Variants in ITGA2B observed in about 807,000 individuals in gnomAD.
ITGA2B encodes integrin alpha-IIb.
In ITGA2B, 91 loss-of-function variants were observed where a neutral mutation model predicts 142.0. The ratio of observed to expected loss-of-function variants is 0.64; its 90% CI spans 0.54 to 0.76. ITGA2B has a LOEUF of 0.76. ITGA2B is among the 30% of genes least tolerant of loss of function. The pLI, the probability that ITGA2B is intolerant of heterozygous loss-of-function variation, is 0.00. For synonymous variants in ITGA2B, 536 were observed against 567.2 expected (o/e 0.94, Z 0.78); for missense variants, 1,231 against 1,350.8 (o/e 0.91, Z 1.39).
At position 44,383,479 on chromosome 17, in the gene ITGA2B, C is replaced by T; in HGVS notation, c.1210+14G>A. ...AACCCCTCTGCAGCAAGTAGGGCTC[C>T]TCTCTTCCCTCACCATTGTAGCCAT... On this transcript the variant is annotated intron_variant, in intron 12 of 29. Coordinates refer to ENST00000262407, the MANE Select transcript of ITGA2B (RefSeq NM_000419.5). 1.2e-6 allele frequency: 2 copies of T among 1,600,558 alleles called. No individual in the cohort carries two copies. The highest frequency in any genetic ancestry group is 8.5e-7 in the Non-Finnish European group (1 of 1,176,942).
At chr17:44,376,284 C>G in intron 23 of ITGA2B, 24 bp downstream of exon 23, 1 of 1,614,092 alleles carries the variant, frequency 6.2e-7, no homozygotes. Flanking sequence ...ATGCCATCTC[C>G]CTTCTCCACC....
At chr17:44,381,273 T>TA (rs2048595261) in intron 12 of ITGA2B, among the ~76,000 whole-genome samples, 1 of 152,128 alleles carries the variant, frequency 6.6e-6, no homozygotes, top group African/African-American at 2.4e-5. Flanking sequence ...CAGTGACAAC[T>TA]CTCACTGTCT....
chr17:44,379,659 C>G (rs781161443), intron 18 of ITGA2B, 30 bp downstream of exon 18: 1 of 1,613,674 alleles, frequency 6.2e-7, no homozygotes, highest in Non-Finnish European at 8.5e-7. Flanking sequence ...GGGTCCTGCA[C>G]CTCCCTGGCC....
At chr17:44,375,319 C>T in intron 26 of ITGA2B, 1 of 643,938 alleles carries the variant, frequency 1.6e-6, no homozygotes, top group East Asian at 2.7e-5. Flanking sequence ...GAGGGTCATC[C>T]CCCAGCGCAC....
rs528269832 is a variant in ITGA2B, at chr17:44,387,472, G to A, written c.189-1341C>T. On this transcript the variant is annotated intron_variant, in intron 1 of 29. Transcript: ENST00000262407. ...CAGGAGGCAGAGGTTGCAGTGAGCC[G>A]AGATCACCCCATTGCACTCCAGCCT... Among the ~76,000 whole-genome samples the A allele has an allele frequency of 7.3e-5, 11 of 151,236 alleles. No individual in the cohort carries two copies. The East Asian group carries it at 1.4e-3, about 19-fold the overall frequency.
At chr17:44,383,359 G>T in intron 12 of ITGA2B, 134 bp downstream of exon 12, 1 of 809,390 alleles carries the variant, frequency 1.2e-6, no homozygotes, top group Non-Finnish European at 2.0e-6. Flanking sequence ...TCTCCACTCA[G>T]CACCCCATGT....
rs763833284 is a variant in ITGA2B, at chr17:44,375,913, AG to A, written c.2520del (p.Ser841ProfsTer69). 6.2e-7 allele frequency: 1 copy of A among 1,613,230 alleles called. No homozygotes were observed. The highest frequency in any genetic ancestry group is 1.7e-5 in the Admixed American group (1 of 59,866). ...LSIHLPGQSQ[P>X]SDLLYILDIQ... ...ATATCCAGGATGTAGAGCAGGTCGGAGGGCTGGGACTGTCCCGGAAGGTGGA... is the reference window on the plus strand; with the variant it reads ...ATATCCAGGATGTAGAGCAGGTCGGAGGCTGGGACTGTCCCGGAAGGTGGA... On this transcript the variant is annotated frameshift_variant, in exon 25 of 30. Coordinates refer to ENST00000262407, the MANE Select transcript of ITGA2B (RefSeq NM_000419.5). LOFTEE classifies it high-confidence loss of function.
chr17:44,385,434 G>C, intron 4 of ITGA2B, 99 bp from the exon 5 acceptor site: 1 of 1,527,122 alleles, frequency 6.5e-7, no homozygotes, highest in Non-Finnish European at 8.8e-7. Context: ...TTGAGTCGGC[G>C]GGGCCCTGGG....
chr17:44,381,010 A>G lies in ITGA2B; in HGVS notation c.1262T>C (p.Leu421Pro). The change falls in exon 13 of 30, where the codon CTG becomes CCG. Residue 421 changes from leucine to proline, a missense_variant. Physicochemically the swap from Leu to Pro is moderately conservative, Grantham distance 98. Transcript: ENST00000262407. Reference sequence around the variant, plus strand: ...CCCCTCACTCTGACCCAGGAACACCAGCACTTGGCCCCGGCCACTGGGACC... The same window carrying G: ...CCCCTCACTCTGACCCAGGAACACCGGCACTTGGCCCCGGCCACTGGGACC... ...YGGPSGRGQV[L>P]VFLGQSEGLR... 1 of 1,613,360 alleles carries G rather than the reference A, an allele frequency of 6.2e-7. No homozygotes were observed. The highest frequency in any genetic ancestry group is 8.5e-7 in the Non-Finnish European group (1 of 1,179,552).
intron 22 of ITGA2B, among the ~76,000 whole-genome samples, 181 bp downstream of exon 22, chr17:44,376,828 G>T (rs539553661): frequency 1.5e-3 from 227 of 152,152 alleles, no homozygotes; most frequent in Non-Finnish European, 2.0e-3. Flanking sequence ...GGCCAGGCTG[G>T]TCTCCAACTC....
Position 44,385,576 on chromosome 17 carries a change from G to T in ITGA2B, c.549C>A (p.Ser183Arg). 1 of 1,602,638 alleles carries T rather than the reference G, an allele frequency of 6.2e-7. No homozygotes were observed. The part of the protein sequence containing the change: ...EYSPCRGNTL[S>R]RIYVENDFSW... ...TAAAATCATTTTCCACGTAAATGCG[G>T]CTCAGGGTGTTCCCGCGACAGGGGG... The change falls in exon 4 of 30, where the codon AGC becomes AGA. Residue 183 changes from serine (S) to arginine (R), a missense_variant. This residue lies in a region of ITGA2B where 318 missense variants were observed against 312.2 expected (regional missense o/e 1.02). Coordinates refer to ENST00000262407, the MANE Select transcript of ITGA2B (RefSeq NM_000419.5).
intron 7 of ITGA2B, 125 bp from the exon 8 acceptor site, chr17:44,384,710 G>C (rs2048628292): frequency 7.7e-7 from 1 of 1,306,808 alleles, no homozygotes; most frequent in Non-Finnish European, 1.1e-6. Flanking sequence ...AAAAACGGAG[G>C]CCTTCGAGGG....
At chr17:44,383,388 T>TA (rs2048612721) in intron 12 of ITGA2B, 105 bp downstream of exon 12, 1 of 1,054,712 alleles carries the variant, frequency 9.5e-7, no homozygotes, top group Admixed American at 2.0e-5. Context: ...CACATACTTA[T>TA]ATGCTTAAAA....
intron 1 of ITGA2B, among the ~76,000 whole-genome samples, chr17:44,388,426 G>C (rs1270138495): frequency 6.9e-6 from 1 of 145,564 alleles, no homozygotes; most frequent in Non-Finnish European, 1.5e-5. Context: ...GCATGATCTC[G>C]GCTCACCACA....
Position 44,385,918 on chromosome 17 carries a change from T to C in ITGA2B, c.314A>G (p.Asp105Gly). ...TTGGGAGCCTACATTTCGGGTCTCA[T>C]CACCTGGAAGGCACAAGAAGGGGTG... ...QCPSLLFDLR[D>G]ETRNVGSQTL... The change falls in exon 3 of 30, where the codon GAT (aspartate) becomes GGT (glycine). Residue 105 changes from aspartate to glycine, a missense_variant. By Grantham distance (94) the Asp-to-Gly change is moderately conservative. Transcript: ENST00000262407. The C allele has an allele frequency of 6.2e-7, 1 of 1,613,342 alleles. No individual in the cohort carries two copies. Among genetic ancestry groups the C allele is most frequent in the Non-Finnish European group, 8.5e-7 (1 of 1,179,706 alleles).
intron 4 of ITGA2B, 68 bp downstream of exon 4, chr17:44,385,483 G>A (rs913472780): frequency 1.3e-6 from 2 of 1,526,546 alleles, no homozygotes; most frequent in Non-Finnish European, 1.8e-6. Context: ...GGCGCTGGGG[G>A]CGGGATCCGA....
At chr17:44,372,525 C>A (rs1000567414) in intron 29 of ITGA2B, 102 bp from the exon 30 acceptor site, 1 of 981,838 alleles carries the variant, frequency 1.0e-6, no homozygotes, top group Non-Finnish European at 1.6e-6. Flanking sequence ...CCTGGACCAG[C>A]GCAGAACATG....
chr17:44,385,381 C>A, intron 4 of ITGA2B, 46 bp from the exon 5 acceptor site: 2 of 1,587,536 alleles, frequency 1.3e-6, no homozygotes, highest in Non-Finnish European at 1.7e-6. Context: ...TGAAGGGAGG[C>A]GCGCGCGAGC....
intron 1 of ITGA2B, among the ~76,000 whole-genome samples, chr17:44,387,826 C>CAAAAAAAAAAAAAAAAAAAAAAAAAAA (rs980395817): frequency 4.1e-5 from 1 of 24,558 alleles, no homozygotes; most frequent in Admixed American, 6.5e-4. Flanking sequence ...AACCCCATCT[C>CAAAAAAAAAAAAAAAAAAAAAAAAAAA]AAAAAAAAAA....
Sources: gnomAD v4.1 joint callset for allele counts (sites outside exome capture counted in the v4.1 genomes callset) on GRCh38, gnomAD v4.1.1 for gene constraint, gnomAD v4.1.1 regional missense constraint, MANE v1.5 for transcripts, NCBI Gene and HGNC (gene_info 2026-07-23, HGNC 2026-07-21) for gene names.